FABP12: variants seen among roughly 807,000 people sequenced by gnomAD.
The protein encoded by FABP12 is fatty acid binding protein 12.
A neutral mutation model predicts 13.7 loss-of-function variants in FABP12; 19 were observed. The ratio of observed to expected loss-of-function variants is 1.39; its 90% CI spans 0.97 to 2.04. FABP12 has a LOEUF of 2.04. Ranked by LOEUF, FABP12 falls within the 30% of genes most tolerant of loss-of-function variation. The pLI is 0.00. For synonymous variants in FABP12, 61 were observed against 57.0 expected (o/e 1.07, Z -0.32); for missense variants, 182 against 164.2 (o/e 1.11, Z -0.59).
intron 1 of FABP12, among the ~76,000 whole-genome samples, chr8:81,539,828 C>G (rs1033422329): frequency 4.6e-5 from 7 of 152,304 alleles, no homozygotes; most frequent in African/African-American, 1.7e-4. Context: ...CCCAGGCTCT[C>G]CCACCCTTTG....
At chr8:81,533,682 C>T (rs1809147319) in intron 1 of FABP12, among the ~76,000 whole-genome samples, 120 bp downstream of exon 1, 1 of 152,174 alleles carries the variant, frequency 6.6e-6, no homozygotes. Context: ...CAGGTTTTTT[C>T]TCCTCCTTTA....
At chr8:81,535,763 G>T (rs1423480257), upstream of FABP12, among the ~76,000 whole-genome samples, 1 of 152,258 alleles carries the variant, frequency 6.6e-6, no homozygotes, top group Non-Finnish European at 1.5e-5. Context: ...TGGTATCTCA[G>T]GGTTCTTCCT....
At chr8:81,585,678 T>C (rs1810229210) in intron 1 of FABP12, among the ~76,000 whole-genome samples, 1 of 152,196 alleles carries the variant, frequency 6.6e-6, no homozygotes, top group African/African-American at 2.4e-5. Flanking sequence ...GTATTATCAT[T>C]TTCACAATAT....
chr8:81,527,696 A>C (rs1301070405), intron 3 of FABP12, among the ~76,000 whole-genome samples: 1 of 152,224 alleles, frequency 6.6e-6, no homozygotes, highest in Non-Finnish European at 1.5e-5. Flanking sequence ...CTGTGTAAGC[A>C]GAGTATTATC....
At chr8:81,582,895 C>T (rs1204686371) in intron 1 of FABP12, among the ~76,000 whole-genome samples, 2 of 152,184 alleles carry the variant, frequency 1.3e-5, no homozygotes, top group African/African-American at 2.4e-5. Context: ...TCAGCAATTA[C>T]AGAATACATA....
chr8:81,540,726 T>C (rs1250699668), intron 1 of FABP12, among the ~76,000 whole-genome samples: 2 of 152,232 alleles, frequency 1.3e-5, no homozygotes, highest in African/African-American at 4.8e-5. Context: ...TATAGTTTAG[T>C]TGCTAGTATT....
At chr8:81,549,192 A>ATC (rs1209457912) in intron 1 of FABP12, among the ~76,000 whole-genome samples, 1 of 149,300 alleles carries the variant, frequency 6.7e-6, no homozygotes, top group African/African-American at 2.5e-5. Context: ...ATCTCTTTCA[A>ATC]TCTCTCTCTC....
At chr8:81,545,346 A>G (rs1809420078) in intron 1 of FABP12, among the ~76,000 whole-genome samples, 1 of 152,222 alleles carries the variant, frequency 6.6e-6, no homozygotes, top group Non-Finnish European at 1.5e-5. Context: ...AGAGAGGGAC[A>G]TGATTGGACT....
intron 1 of FABP12, among the ~76,000 whole-genome samples, chr8:81,565,629 G>A (rs1809807138): frequency 6.6e-6 from 1 of 152,102 alleles, no homozygotes; most frequent in South Asian, 2.1e-4. Context: ...TCAAACAAAT[G>A]ATAATGGAAG....
chr8:81,575,163 A>G (rs1405631873), intron 1 of FABP12, among the ~76,000 whole-genome samples: 1 of 152,088 alleles, frequency 6.6e-6, no homozygotes, highest in Non-Finnish European at 1.5e-5. Flanking sequence ...CATTATTGTC[A>G]TTCAGTTCAA....
chr8:81,541,441 G>T (rs1563546887), intron 1 of FABP12, among the ~76,000 whole-genome samples: 1 of 151,990 alleles, frequency 6.6e-6, no homozygotes, highest in Non-Finnish European at 1.5e-5. Flanking sequence ...TATCAGTTTC[G>T]ATTATTGAGC....
upstream of FABP12, among the ~76,000 whole-genome samples, chr8:81,535,987 C>A (rs867744368): frequency 6.6e-6 from 1 of 152,214 alleles, no homozygotes; most frequent in Non-Finnish European, 1.5e-5. Flanking sequence ...TTATTTTAAT[C>A]ATCTCCATAA....
chr8:81,533,591 C>A (rs1227800449), intron 1 of FABP12, among the ~76,000 whole-genome samples: 4 of 152,194 alleles, frequency 2.6e-5, no homozygotes, highest in African/African-American at 9.6e-5. Flanking sequence ...CAAGTCCCCC[C>A]CACATCCCAA....
At chr8:81,553,403 C>G (rs1809554891) in intron 1 of FABP12, among the ~76,000 whole-genome samples, 1 of 152,132 alleles carries the variant, frequency 6.6e-6, no homozygotes. Flanking sequence ...GCTATTGTAT[C>G]AATTTATACT....
intron 1 of FABP12, among the ~76,000 whole-genome samples, chr8:81,555,679 G>A (rs935192309): frequency 1.1e-4 from 17 of 152,068 alleles, no homozygotes; most frequent in African/African-American, 4.1e-4. Flanking sequence ...TTCAATTAAG[G>A]CAACATCCTA....
chr8:81,542,029 C>A (rs989475502), intron 1 of FABP12, among the ~76,000 whole-genome samples: 3 of 145,942 alleles, frequency 2.1e-5, no homozygotes, highest in South Asian at 2.3e-4. Context: ...GAAAGGTAAA[C>A]AACTTCCTCT....
chr8:81,538,834 A>T (rs1167862066), upstream of FABP12, among the ~76,000 whole-genome samples: 2 of 152,110 alleles, frequency 1.3e-5, no homozygotes, highest in East Asian at 3.9e-4. Context: ...TTTTATTTTA[A>T]TTTTTATTAC....
Position 81,552,942 on chromosome 8 carries a change from G to T in FABP12, c.-184-13199C>A, listed in dbSNP as rs539630256. ...GTCATGTTTTAGATATGTTTTGTTT[G>T]ACAAAACTTTGAAACATGGAAATGT... On this transcript the variant is annotated intron_variant, in intron 1 of 5. Coordinates refer to the FABP12 transcript ENST00000692030. 3.2e-4 allele frequency among the ~76,000 whole-genome samples: 49 copies of T among 152,280 alleles called. 1 individual carries two copies. The South Asian group carries it at 9.7e-3, about 30-fold the overall frequency.
intron 1 of FABP12, among the ~76,000 whole-genome samples, chr8:81,543,588 C>T (rs181372528): frequency 8.1e-4 from 124 of 152,174 alleles, no homozygotes; most frequent in African/African-American, 2.8e-3. Context: ...TCTCATTAAC[C>T]TATAAGTATA....
Sources: allele counts gnomAD v4.1 joint callset (sites outside exome capture counted in the v4.1 genomes callset), GRCh38; gene constraint gnomAD v4.1.1; transcripts MANE v1.5; gene names NCBI Gene and HGNC (gene_info 2026-07-23, HGNC 2026-07-21).